GLS2: variants seen among roughly 807,000 people sequenced by gnomAD.
GLS2 encodes glutaminase liver isoform, mitochondrial.
GLS2 carries 52 observed loss-of-function variants against 79.0 expected under a neutral mutation model. That is an observed-to-expected ratio of 0.66 (90% CI 0.53 to 0.83). The LOEUF is 0.83. Among genes scored for constraint, GLS2 ranks in the 40% least tolerant of loss-of-function variants. The pLI is 0.00. For missense variants in GLS2, 561 were observed against 764.8 expected (o/e 0.73, Z 3.14); for synonymous variants, 238 against 280.8 (o/e 0.85, Z 1.52).
chr12:56,474,468 C>CT, intron 12 of GLS2, 76 bp downstream of exon 12: 1 of 1,572,764 alleles, frequency 6.4e-7, no homozygotes, highest in Non-Finnish European at 8.6e-7. Flanking sequence ...GCTTCCACCT[C>CT]TATCTTGAGA....
intron 7 of GLS2, 142 bp downstream of exon 7, chr12:56,477,518 G>C: frequency 1.3e-6 from 1 of 759,430 alleles, no homozygotes; most frequent in Non-Finnish European, 2.2e-6. Context: ...GTGGGTCCCT[G>C]CTGTGCCTCA....
Position 56,472,227 on chromosome 12 carries a change from C to G in GLS2, c.1512-32G>C, listed in dbSNP as rs769063124. The G allele has an allele frequency of 2.4e-5, 39 of 1,592,654 alleles. No homozygotes were observed. In the African/African-American group the frequency reaches 4.3e-4, roughly 18 times the overall value. On this transcript the variant is annotated intron_variant, in intron 15 of 17. Transcript: ENST00000311966. ...GTAGTGGGAAAGCAGCTAGAGTTGCCTAGATCAGACTGGAATCACAGGTGT... is the reference window on the plus strand; with the variant it reads ...GTAGTGGGAAAGCAGCTAGAGTTGCGTAGATCAGACTGGAATCACAGGTGT...
At chr12:56,472,825 A>G (rs1869414747) in intron 14 of GLS2, 74 bp from the exon 15 acceptor site, 2 of 1,188,982 alleles carry the variant, frequency 1.7e-6, no homozygotes, top group Non-Finnish European at 2.5e-6. Context: ...ACCCTCCTCC[A>G]TGGATGCTTA....
chr12:56,473,767 A>C, intron 12 of GLS2, 173 bp from the exon 13 acceptor site: 1 of 705,398 alleles, frequency 1.4e-6, no homozygotes, highest in Non-Finnish European at 2.2e-6. Flanking sequence ...CCTTCCCTTA[A>C]ATTCATTGAT....
Position 56,474,734 on chromosome 12 carries a change from G to C in GLS2, c.1048-14C>G, listed in dbSNP as rs369561441. ...CACAGAACACAGCTATGAAAACAAA[G>C]AATAGGTGAAGATGTGACGTGAACC... On this transcript the variant is annotated splice_polypyrimidine_tract_variant and intron_variant, in intron 11 of 17. Transcript: ENST00000311966. 50 of 1,608,510 alleles carry C rather than the reference G, an allele frequency of 3.1e-5. No homozygotes were observed. Among genetic ancestry groups the C allele is most frequent in the Non-Finnish European group, 3.9e-5 (46 of 1,176,436 alleles).
At chr12:56,484,779 C>T (rs1870555506) in intron 1 of GLS2, among the ~76,000 whole-genome samples, 1 of 152,078 alleles carries the variant, frequency 6.6e-6, no homozygotes, top group Non-Finnish European at 1.5e-5. Flanking sequence ...CAACGTACAA[C>T]AGCAATGTGT....
chr12:56,486,223 T>C (rs1298677566), intron 1 of GLS2, among the ~76,000 whole-genome samples: 1 of 151,988 alleles, frequency 6.6e-6, no homozygotes, highest in Non-Finnish European at 1.5e-5. Context: ...AGTCCGAGGA[T>C]ATGATAGGGG....
chr12:56,482,843 C>A (rs895326617), intron 1 of GLS2, among the ~76,000 whole-genome samples: 1 of 152,118 alleles, frequency 6.6e-6, no homozygotes, highest in African/African-American at 2.4e-5. Context: ...GTGATCCTCC[C>A]ACCTCAGCCT....
chr12:56,474,184 C>T, intron 12 of GLS2: 2 of 275,650 alleles, frequency 7.3e-6, no homozygotes, highest in Non-Finnish European at 7.0e-6. Flanking sequence ...CCTCTGCCTC[C>T]CAGGTTCAAG....
At chr12:56,478,350 A>G (rs1870007448) in intron 4 of GLS2, 88 bp from the exon 5 acceptor site, 3 of 1,408,356 alleles carry the variant, frequency 2.1e-6, no homozygotes, top group Non-Finnish European at 3.0e-6. Flanking sequence ...CTTTTAGATA[A>G]AAGCTAAAAT....
intron 12 of GLS2, 45 bp downstream of exon 12, chr12:56,474,499 T>C (rs1042376301): frequency 6.2e-7 from 1 of 1,609,220 alleles, no homozygotes; most frequent in Non-Finnish European, 8.5e-7. Context: ...TCTCTCTTCT[T>C]AGCACTGGGC....
At chr12:56,480,537 C>A in intron 1 of GLS2, 150 bp from the exon 2 acceptor site, 1 of 650,144 alleles carries the variant, frequency 1.5e-6, no homozygotes, top group South Asian at 1.8e-5. Flanking sequence ...ATCTAACTTT[C>A]ATGTCTGTCC....
Position 56,473,336 on chromosome 12 carries a change from A to G in GLS2, c.1357-16T>C. 6.2e-7 allele frequency: 1 copy of G among 1,613,670 alleles called. No homozygotes were observed. The highest frequency in any genetic ancestry group is 8.5e-7 in the Non-Finnish European group (1 of 1,179,716). On this transcript the variant is annotated splice_polypyrimidine_tract_variant and intron_variant, in intron 13 of 17. Coordinates refer to ENST00000311966, the MANE Select transcript of GLS2 (RefSeq NM_013267.4). ...ACACCAACTTCTAGAATTGTAAGCC[A>G]AATATATTGTTTATTTACTCCTTAC... is the stretch of plus-strand genomic sequence containing the variant.
At chr12:56,473,090 C>T (rs539169366) in intron 14 of GLS2, 138 bp downstream of exon 14, 20 of 756,808 alleles carry the variant, frequency 2.6e-5, no homozygotes, top group African/African-American at 1.4e-4. Flanking sequence ...CAGGTTTCAC[C>T]GTGTTAGCCA....
intron 3 of GLS2, 59 bp from the exon 4 acceptor site, chr12:56,479,240 G>A: frequency 6.3e-7 from 1 of 1,587,310 alleles, no homozygotes; most frequent in South Asian, 1.1e-5. Flanking sequence ...GACTCACTCT[G>A]GAGCCACGGA....
At position 56,478,268 on chromosome 12, in the gene GLS2, C is replaced by G; in HGVS notation, c.535-6G>C. 6.2e-7 allele frequency: 1 copy of G among 1,613,970 alleles called. No individual in the cohort carries two copies. The highest frequency in any genetic ancestry group is 8.5e-7 in the Non-Finnish European group (1 of 1,179,904). ...TGAGGGATGTAGGCTGCCACCTGGA[C>G]ATGAGTGGGTAGAGAAAAGGGAGAT... On this transcript the variant is annotated splice_region_variant and splice_polypyrimidine_tract_variant and intron_variant, in intron 4 of 17. Coordinates refer to ENST00000311966, the MANE Select transcript of GLS2 (RefSeq NM_013267.4).
chr12:56,473,266 G>T lies in GLS2; in HGVS notation c.1411C>A (p.Arg471=), dbSNP rs752271151. Residue 471 remains arginine, a synonymous_variant, in exon 14 of 18, where the codon CGG becomes AGG. Transcript: ENST00000311966. ...HNYDNLRHCA[R]KLDPRREGAE... Reference sequence around the variant, plus strand: ...CCTTCACGCCGTGGGTCTAACTTCCGAGCACAGTGCCTCAGGTTGTCATAG... The same window carrying T: ...CCTTCACGCCGTGGGTCTAACTTCCTAGCACAGTGCCTCAGGTTGTCATAG... The T allele has an allele frequency of 1.2e-6, 2 of 1,614,054 alleles. No homozygotes were observed. The highest frequency in any genetic ancestry group is 1.7e-5 in the Admixed American group (1 of 59,998).
chr12:56,477,778 G>T, intron 6 of GLS2, 60 bp from the exon 7 acceptor site: 1 of 1,566,934 alleles, frequency 6.4e-7, no homozygotes, highest in Non-Finnish European at 8.7e-7. Flanking sequence ...CTGACAGCCC[G>T]CTCACTTTGT....
intron 9 of GLS2, 59 bp from the exon 10 acceptor site, chr12:56,475,169 G>A (rs1442983047): frequency 3.4e-5 from 54 of 1,610,372 alleles, no homozygotes; most frequent in Non-Finnish European, 4.1e-5. Flanking sequence ...GGGAGAAGGG[G>A]AAAAATTACC....
Sources: gnomAD v4.1 joint callset for allele counts (sites outside exome capture counted in the v4.1 genomes callset) on GRCh38, gnomAD v4.1.1 for gene constraint, MANE v1.5 for transcripts, NCBI Gene and HGNC (gene_info 2026-07-23, HGNC 2026-07-21) for gene names.